The following DOCK10 variants were observed in gnomAD, a reference collection of about 807,000 sequenced individuals.
DOCK10 encodes dedicator of cytokinesis 10.
In DOCK10, 145 loss-of-function variants were observed where a neutral mutation model predicts 280.1. The ratio of observed to expected loss-of-function variants is 0.52; its 90% CI spans 0.45 to 0.59. DOCK10 has a LOEUF of 0.59. DOCK10 is among the 20% of genes least tolerant of loss of function. The pLI, the probability that DOCK10 is intolerant of heterozygous loss-of-function variation, is 0.00. For synonymous variants in DOCK10, 915 were observed against 942.2 expected, an observed-to-expected ratio of 0.97 and a Z score of 0.53; for missense variants, 2,368 against 2,651.7, an observed-to-expected ratio of 0.89 and a Z score of 2.35.
chr2:224,831,747 C>T (rs1006922200), intron 26 of DOCK10, among the ~76,000 whole-genome samples: 1 of 152,196 alleles, frequency 6.6e-6, no homozygotes, highest in African/African-American at 2.4e-5. Context: ...ACCTGGCCCT[C>T]CTCCCTGCCG....
intron 1 of DOCK10, among the ~76,000 whole-genome samples, chr2:225,001,218 A>G (rs560559351): frequency 2.0e-5 from 3 of 152,204 alleles, no homozygotes; most frequent in Non-Finnish European, 2.9e-5. Context: ...ACATAGATGA[A>G]CTAGCAGGTA....
At chr2:224,966,718 T>C (rs1389617189) in intron 1 of DOCK10, among the ~76,000 whole-genome samples, 3 of 152,146 alleles carry the variant, frequency 2.0e-5, no homozygotes, top group East Asian at 3.8e-4. Flanking sequence ...ATACTAAGTG[T>C]GACAAAGAGA....
intron 2 of DOCK10, among the ~76,000 whole-genome samples, chr2:224,917,087 A>AT (rs1701372771): frequency 8.4e-6 from 1 of 119,202 alleles, no homozygotes; most frequent in South Asian, 2.9e-4. Context: ...AATTTAGCTG[A>AT]TTTCTATTGG....
chr2:224,949,842 A>C (rs1380435819), intron 1 of DOCK10, among the ~76,000 whole-genome samples: 2 of 152,224 alleles, frequency 1.3e-5, no homozygotes, highest in Non-Finnish European at 2.9e-5. Flanking sequence ...AAATATCAAC[A>C]CATTGCCTTG....
At chr2:225,024,622 G>C (rs932112535) in intron 1 of DOCK10, among the ~76,000 whole-genome samples, 1 of 152,128 alleles carries the variant, frequency 6.6e-6, no homozygotes, top group Non-Finnish European at 1.5e-5. Context: ...AGGCATGGTG[G>C]CTCATGCCTA....
Position 224,874,054 on chromosome 2 carries a change from G to T in DOCK10, c.1199C>A (p.Ala400Asp), listed in dbSNP as rs766412623. Residue 400 changes from alanine (A) to aspartate (D), a missense_variant, in exon 11 of 56, where the codon GCC becomes GAC. This residue lies in a region of DOCK10 where 1,209 missense variants were observed against 1,250.9 expected (regional missense o/e 0.97). Coordinates refer to ENST00000258390, the MANE Select transcript of DOCK10 (RefSeq NM_014689.3). ...AAKRIMIICK[A>D]LNSNLQGCVT... Reference sequence around the variant, plus strand: ...ACATCCCTGAAGATTTGAGTTGAGGGCTTTACAGATGATCATGATTCTCTT... The same window carrying T: ...ACATCCCTGAAGATTTGAGTTGAGGTCTTTACAGATGATCATGATTCTCTT... 1 of 1,613,614 alleles carries T rather than the reference G, an allele frequency of 6.2e-7. No homozygotes were observed.
chr2:224,796,171 C>G, intron 44 of DOCK10, 145 bp downstream of exon 44: 1 of 605,046 alleles, frequency 1.7e-6, no homozygotes, highest in Non-Finnish European at 2.9e-6. Context: ...TCAAGCGATC[C>G]TCCTGCCTTG....
intron 33 of DOCK10, among the ~76,000 whole-genome samples, chr2:224,806,511 T>C (rs1266173014): frequency 6.6e-6 from 1 of 152,210 alleles, no homozygotes; most frequent in East Asian, 1.9e-4. Context: ...TGGTTATTGA[T>C]ATATTCATGG....
intron 2 of DOCK10, among the ~76,000 whole-genome samples, chr2:224,919,392 T>G (rs1406657420): frequency 6.6e-6 from 1 of 151,136 alleles, no homozygotes; most frequent in Non-Finnish European, 1.5e-5. Flanking sequence ...GTATGTGGTG[T>G]GTGTGGTATA....
chr2:224,889,050 A>G (rs1699503241), intron 4 of DOCK10, among the ~76,000 whole-genome samples: 1 of 152,256 alleles, frequency 6.6e-6, no homozygotes, highest in Non-Finnish European at 1.5e-5. Context: ...TCTTAAAAAA[A>G]TTAAATATGC....
intron 30 of DOCK10, among the ~76,000 whole-genome samples, chr2:224,815,830 G>A (rs978133290): frequency 1.3e-5 from 2 of 152,144 alleles, no homozygotes; most frequent in Non-Finnish European, 2.9e-5. Flanking sequence ...GAGGTCAGGA[G>A]TTGGAGACCA....
In DOCK10 at chr2:224,928,282, C is replaced by T. The variant is rs570552168; in HGVS notation, c.243+3267G>A. Among the ~76,000 whole-genome samples, 89 of 151,452 alleles carry T rather than the reference C, an allele frequency of 5.9e-4. No individual in the cohort carries two copies. The East Asian group carries it at 0.016, about 28-fold the overall frequency. On this transcript the variant is annotated intron_variant, in intron 2 of 55. Coordinates refer to ENST00000258390, the MANE Select transcript of DOCK10 (RefSeq NM_014689.3). ...AAAGCGTCAAAGAATAAATCTTTTC[C>T]GGCTGAATGTCTCTGTTGCTTCTAC...
At chr2:225,040,272 G>A (rs1575181199) in intron 1 of DOCK10, among the ~76,000 whole-genome samples, 1 of 152,094 alleles carries the variant, frequency 6.6e-6, no homozygotes, top group African/African-American at 2.4e-5. Flanking sequence ...AAGCACATGC[G>A]TTCTTGCTGC....
intron 1 of DOCK10, among the ~76,000 whole-genome samples, chr2:225,008,624 C>T (rs12474884): frequency 0.035 from 5,316 of 152,178 alleles, 195 homozygotes; most frequent in African/African-American, 0.095. Flanking sequence ...TACAGAACTA[C>T]TGTTATGTAC....
intron 1 of DOCK10, among the ~76,000 whole-genome samples, chr2:224,957,167 G>A (rs1704084481): frequency 6.6e-6 from 1 of 152,026 alleles, no homozygotes; most frequent in Admixed American, 6.6e-5. Context: ...GCCCTCTGCT[G>A]TGCCCATCTG....
At chr2:224,829,719 A>C (rs1194887145) in intron 27 of DOCK10, among the ~76,000 whole-genome samples, 1 of 152,214 alleles carries the variant, frequency 6.6e-6, no homozygotes, top group African/African-American at 2.4e-5. Context: ...GGTTTGGGTC[A>C]TATCACCAGG....
intron 15 of DOCK10, among the ~76,000 whole-genome samples, chr2:224,855,348 A>G (rs931362992): frequency 6.6e-6 from 1 of 152,232 alleles, no homozygotes; most frequent in Non-Finnish European, 1.5e-5. Context: ...AAAAAGTACA[A>G]GAGTAAATTA....
At chr2:224,853,250 CT>C in intron 16 of DOCK10, 128 bp from the exon 17 acceptor site, 1 of 679,118 alleles carries the variant, frequency 1.5e-6, no homozygotes, top group Non-Finnish European at 2.2e-6. Flanking sequence ...TTGATATTAG[CT>C]TACGCTAGCA....
chr2:224,838,383 C>A (rs1390640697), intron 24 of DOCK10, among the ~76,000 whole-genome samples: 3 of 152,088 alleles, frequency 2.0e-5, no homozygotes, highest in Non-Finnish European at 4.4e-5. Flanking sequence ...ACAGGTGGAT[C>A]TTTTTTCACA....
Sources: allele counts gnomAD v4.1 joint callset (sites outside exome capture counted in the v4.1 genomes callset), GRCh38; gene constraint gnomAD v4.1.1; regional missense constraint gnomAD v4.1.1; transcripts MANE v1.5; gene names NCBI Gene and HGNC (gene_info 2026-07-23, HGNC 2026-07-21).